MTSS2: variants seen among roughly 807,000 people sequenced by gnomAD.
MTSS2 encodes the protein MTSS I-BAR domain containing 2.
Under a neutral mutation model 67.1 loss-of-function variants are expected in MTSS2, and 27 were observed. The ratio of observed to expected loss-of-function variants is 0.40; its 90% confidence interval spans 0.30 to 0.55. MTSS2 has a LOEUF of 0.55. Ranked by LOEUF, MTSS2 falls within the 20% of genes least tolerant of loss-of-function variation. MTSS2 has a pLI of 0.43. For synonymous variants in MTSS2, 624 were observed against 468.6 expected (o/e 1.33, Z -4.28); for missense variants, 1,171 against 1,067.8 (o/e 1.10, Z -1.35).
intron 7 of MTSS2, among the ~76,000 whole-genome samples, chr16:70,678,804 G>T (rs865976959): frequency 6.6e-4 from 100 of 152,328 alleles, no homozygotes; most frequent in Non-Finnish European, 2.8e-4. Context: ...ACAAGAGAGA[G>T]TGTGGGGCTC....
At chr16:70,678,506 G>T in intron 7 of MTSS2, 97 bp from the exon 8 acceptor site, 1 of 1,420,816 alleles carries the variant, frequency 7.0e-7, no homozygotes, top group East Asian at 2.4e-5. Flanking sequence ...TCTCTCGGCC[G>T]TTGGGCTGGG....
intron 11 of MTSS2, among the ~76,000 whole-genome samples, chr16:70,671,702 AT>A (rs765880743): frequency 6.6e-6 from 1 of 152,202 alleles, no homozygotes; most frequent in East Asian, 1.9e-4. Context: ...CTCACAGGAT[AT>A]TTTATTAATT....
chr16:70,679,721 C>T lies in MTSS2; in HGVS notation c.383-17G>A, dbSNP rs373062723. On this transcript the variant is annotated splice_polypyrimidine_tract_variant and intron_variant, in intron 5 of 14. Coordinates refer to ENST00000338779, the MANE Select transcript of MTSS2 (RefSeq NM_138383.3). ...GTTTGTACTCTGCAGAAGGGGAGAG[C>T]GGAGCGCTCTAATGGGGTCCCTGCG... is the stretch of plus-strand genomic sequence containing the variant. 9 of 1,610,218 alleles carry T rather than the reference C, an allele frequency of 5.6e-6. No individual in the cohort carries two copies. The African/African-American group carries it at 1.1e-4, about 19-fold the overall frequency.
At chr16:70,680,931 C>G in intron 2 of MTSS2, 33 bp downstream of exon 2, 9 of 1,580,622 alleles carry the variant, frequency 5.7e-6, no homozygotes, top group Non-Finnish European at 7.7e-6. Context: ...TCTGCCTGCC[C>G]CTCCCCTGCT....
Position 70,661,825 on chromosome 16 carries a change from ACT to A in MTSS2, c.*1850_*1851del. On this transcript the variant is annotated 3_prime_UTR_variant, in exon 15 of 15. Transcript: ENST00000338779. ...CAGGTCTGCCCACCCACTGCCCCTC[ACT>A]CTATTCCCACCACATCCTGAATCCT... The A allele has an allele frequency of 5.8e-6, 1 of 171,930 alleles. No homozygotes were observed. Among genetic ancestry groups the A allele is most frequent in the East Asian group, 1.8e-4 (1 of 5,504 alleles). The allele number at this position is 171,930 out of a possible 1,614,324, so 10.7% of individuals were successfully genotyped here. A position where few individuals can be genotyped will look rare whatever the true frequency, so the allele number is the denominator to read the frequency against.
Position 70,665,116 on chromosome 16 carries a change from G to C in MTSS2, c.1129-20C>G, listed in dbSNP as rs539644664. 6.3e-7 allele frequency: 1 copy of C among 1,580,066 alleles called. No individual in the cohort carries two copies. Among genetic ancestry groups the C allele is most frequent in the East Asian group, 2.2e-5 (1 of 44,638 alleles). On this transcript the variant is annotated intron_variant, in intron 12 of 14. Coordinates refer to ENST00000338779, the MANE Select transcript of MTSS2 (RefSeq NM_138383.3). ...CCAGTCCTGCAGGGAGGGTGTGGCA[G>C]GTCAGGGGGACCACTGGCCCTACCA... is the stretch of plus-strand genomic sequence containing the variant.
rs561037508 is a variant in MTSS2, at chr16:70,664,616, C to T, written c.1453G>A (p.Asp485Asn). The stretch of plus-strand genomic sequence containing the variant: ...GGCCTGCCTTGGGAGGGGATGGTGT[C>T]CTCAGAGCAGGAGGGCGTGGTGGTC... ...TQTTTPSCSEDTIPSQGSDYD... is the reference protein window; with the variant it reads ...TQTTTPSCSENTIPSQGSDYD... The change falls in exon 14 of 15, where the codon GAC (aspartate) becomes AAC (asparagine). Residue 485 changes from aspartate to asparagine, a missense_variant. Physicochemically the swap from Asp to Asn is conservative, Grantham distance 23. Around this residue, in one of 2 missense-constraint regions of MTSS2, gnomAD observed 924 missense variants for 756.0 expected, o/e 1.22. Coordinates refer to ENST00000338779, the MANE Select transcript of MTSS2 (RefSeq NM_138383.3). 1.9e-6 allele frequency: 3 copies of T among 1,613,016 alleles called. No homozygotes were observed. Among genetic ancestry groups the T allele is most frequent in the Non-Finnish European group, 2.5e-6 (3 of 1,179,844 alleles).
intron 11 of MTSS2, among the ~76,000 whole-genome samples, chr16:70,667,141 C>T (rs1597802012): frequency 6.6e-6 from 1 of 152,084 alleles, no homozygotes; most frequent in East Asian, 1.9e-4. Flanking sequence ...TGTGGTGGCA[C>T]ATGCCTGTGG....
rs889337952 is a variant in MTSS2, at chr16:70,670,494, A to G, written c.1053+3812T>C. On this transcript the variant is annotated intron_variant, in intron 11 of 14. Coordinates refer to ENST00000338779, the MANE Select transcript of MTSS2 (RefSeq NM_138383.3). ...AGCAACATCATAGCCAAAAAACTGGAAACTATGCAAATGTCCATCAAAATG... is the reference window on the plus strand; with the variant it reads ...AGCAACATCATAGCCAAAAAACTGGGAACTATGCAAATGTCCATCAAAATG... Among the ~76,000 whole-genome samples, 5 of 152,320 alleles carry G rather than the reference A, an allele frequency of 3.3e-5. No homozygotes were observed. The East Asian group carries it at 5.8e-4, about 18-fold the overall frequency.
intron 1 of MTSS2, among the ~76,000 whole-genome samples, chr16:70,681,238 G>A (rs1185813565): frequency 2.0e-5 from 3 of 152,192 alleles, no homozygotes; most frequent in Non-Finnish European, 4.4e-5. Context: ...GGGAACGGGC[G>A]CCTTTGCCAA....
At position 70,663,321 on chromosome 16, in the gene MTSS2, G is replaced by C. The variant is rs1020429348; in HGVS notation, c.*356C>G. 1.1e-5 allele frequency: 3 copies of C among 277,956 alleles called. No homozygotes were observed. The highest frequency in any genetic ancestry group is 2.0e-5 in the Non-Finnish European group (3 of 148,592). The allele number at this position is 277,956 out of a possible 1,614,324, so 17.2% of individuals were successfully genotyped here. On this transcript the variant is annotated 3_prime_UTR_variant, in exon 15 of 15. Coordinates refer to ENST00000338779, the MANE Select transcript of MTSS2 (RefSeq NM_138383.3). ...GGCAGGACCAGCCCTGGGAGAGGCC[G>C]GGATGGTGAAAGGGAGGCCAGCCTG...
At chr16:70,679,246 G>C in intron 7 of MTSS2, 69 bp downstream of exon 7, 1 of 1,588,436 alleles carries the variant, frequency 6.3e-7, no homozygotes, top group Middle Eastern at 1.7e-4. Flanking sequence ...CAATGGCCCT[G>C]AGCTGGGGGA....
Position 70,665,499 on chromosome 16 carries a change from G to A in MTSS2, c.1095C>T (p.Cys365=). ...GGGAGCTGCACTCGCTAACGGACTGGCAGGTTTCCGAGGCCTCGGAAGATG... is the reference window on the plus strand; with the variant it reads ...GGGAGCTGCACTCGCTAACGGACTGACAGGTTTCCGAGGCCTCGGAAGATG... ...SSASSEASET[C]QSVSECSSPT... Residue 365 remains cysteine (C), a synonymous_variant, in exon 12 of 15, where the codon TGC becomes TGT. Transcript: ENST00000338779. 2 of 1,551,778 alleles carry A rather than the reference G, an allele frequency of 1.3e-6. No homozygotes were observed. The highest frequency in any genetic ancestry group is 2.7e-5 in the African/African-American group (2 of 73,296).
At position 70,663,832 on chromosome 16, in the gene MTSS2, T is replaced by C. The variant is rs1016743548; in HGVS notation, c.2089A>G (p.Thr697Ala). 5.6e-5 allele frequency: 85 copies of C among 1,518,510 alleles called. No homozygotes were observed. Among genetic ancestry groups the C allele is most frequent in the Middle Eastern group, 4.1e-4 (2 of 4,830 alleles). 94.1% of individuals were successfully genotyped at this position (1,518,510 alleles called of 1,614,324 possible). A position where few individuals can be genotyped will look rare whatever the true frequency, so the allele number is the denominator to read the frequency against. ...TCCGTGGGGGTGGCCGACAGAGCAG[T>C]GGGGAAGGGGAACTGGCCCTCACCC... ...ALGEGQFPFPTALSATPTEET... is the reference protein window; with the variant it reads ...ALGEGQFPFPAALSATPTEET... The change falls in exon 15 of 15, where the codon ACT becomes GCT. Residue 697 changes from threonine (T) to alanine (A), a missense_variant. Physicochemically the swap from Thr to Ala is moderately conservative, Grantham distance 58 (BLOSUM62 0). Coordinates refer to ENST00000338779, the MANE Select transcript of MTSS2 (RefSeq NM_138383.3).
In MTSS2 at chr16:70,667,827, C is replaced by T. The variant is rs551502592; in HGVS notation, c.1054-2287G>A. ...GGCTGAGGTTGCAATGAGCTGAGAT[C>T]GCGCCACTGCACTCCAGCCTGGGTG... On this transcript the variant is annotated intron_variant, in intron 11 of 14. Coordinates refer to ENST00000338779, the MANE Select transcript of MTSS2 (RefSeq NM_138383.3). 2.2e-4 allele frequency among the ~76,000 whole-genome samples: 33 copies of T among 151,998 alleles called. 1 individual carries two copies. The highest frequency in any genetic ancestry group is 8.3e-4 in the South Asian group (4 of 4,806).
rs780410936 is a variant in MTSS2 at position 70,674,407 on chromosome 16, C to CGGT, written c.949_951dup (p.Thr317dup). On this transcript the variant is annotated inframe_insertion, in exon 11 of 15. Transcript: ENST00000338779. Reference sequence around the variant, plus strand: ...TGGGAGGAAACGCTGGAGAGGCGAGCGGTGGTGGTGGCTGGCTGCGCCAGG... The same window carrying CGGT: ...TGGGAGGAAACGCTGGAGAGGCGAGCGGTGGTGGTGGTGGCTGGCTGCGCCAGG... 6.2e-6 allele frequency: 10 copies of CGGT among 1,613,986 alleles called. No individual in the cohort carries two copies. Among genetic ancestry groups the CGGT allele is most frequent in the South Asian group, 2.2e-5 (2 of 91,086 alleles).
rs2151903785 is a variant in MTSS2 at position 70,663,854 on chromosome 16, A to G, written c.2067T>C (p.Gly689=). 1 of 1,541,312 alleles carries G rather than the reference A, an allele frequency of 6.5e-7. No homozygotes were observed. Among genetic ancestry groups the G allele is most frequent in the Non-Finnish European group, 8.7e-7 (1 of 1,146,318 alleles). ...GELVAGAHAL[G]EGQFPFPTAL... Reference sequence around the variant, plus strand: ...CAGTGGGGAAGGGGAACTGGCCCTCACCCAGTGCGTGGGCACCCGCCACCA... The same window carrying G: ...CAGTGGGGAAGGGGAACTGGCCCTCGCCCAGTGCGTGGGCACCCGCCACCA... Residue 689 remains glycine, a synonymous_variant, in exon 15 of 15, where the codon GGT becomes GGC. Coordinates refer to ENST00000338779, the MANE Select transcript of MTSS2 (RefSeq NM_138383.3).
chr16:70,680,124 G>A (rs2053255298), intron 3 of MTSS2, 69 bp from the exon 4 acceptor site: 1 of 1,140,898 alleles, frequency 8.8e-7, no homozygotes, highest in African/African-American at 1.7e-5. Flanking sequence ...CGGGCCAGGA[G>A]GGGGCGCCCC....
chr16:70,671,272 G>A (rs2052926564), intron 11 of MTSS2, among the ~76,000 whole-genome samples: 1 of 151,842 alleles, frequency 6.6e-6, no homozygotes. Context: ...GTGTGGTGGT[G>A]TGTGCCTGTA....
Sources: allele counts gnomAD v4.1 joint callset (sites outside exome capture counted in the v4.1 genomes callset), GRCh38; gene constraint gnomAD v4.1.1; regional missense constraint gnomAD v4.1.1; transcripts MANE v1.5; gene names NCBI Gene and HGNC (gene_info 2026-07-23, HGNC 2026-07-21).